The following GULP1 variants were observed in gnomAD, a reference collection of about 807,000 sequenced individuals.
GULP1 encodes PTB domain-containing engulfment adapter protein 1.
GULP1 carries 19 observed loss-of-function variants against 40.9 expected under a neutral mutation model. That is an observed-to-expected ratio of 0.46 (90% CI 0.32 to 0.68). GULP1 has a LOEUF of 0.68. Among genes scored for constraint, GULP1 ranks in the 30% least tolerant of loss-of-function variants. The probability of loss-of-function intolerance (pLI) is 0.03; values close to 1 mark genes in which losing one functional copy is unlikely to be tolerated. For synonymous variants in GULP1, 119 were observed against 117.6 expected, an observed-to-expected ratio of 1.01 and a Z score of -0.08; for missense variants, 312 against 362.2, an observed-to-expected ratio of 0.86 and a Z score of 1.12.
Position 188,530,685 on chromosome 2 carries a change from G to C in GULP1, c.261+1490G>C, listed in dbSNP as rs545847795. Among the ~76,000 whole-genome samples the C allele has an allele frequency of 5.9e-4, 90 of 152,130 alleles. 5 individuals are homozygous for C. The highest frequency in any genetic ancestry group is 2.1e-4 in the South Asian group (1 of 4,828). The stretch of plus-strand genomic sequence containing the variant: ...GAGAAACCAAACCTACCGACACCTT[G>C]ATCTTAGACTTCTAACCTGCAGAAC... On this transcript the variant is annotated intron_variant, in intron 6 of 11. Coordinates refer to ENST00000409830, the MANE Select transcript of GULP1 (RefSeq NM_016315.4).
intron 2 of GULP1, among the ~76,000 whole-genome samples, chr2:188,407,250 C>T (rs1398860691): frequency 1.3e-5 from 2 of 152,128 alleles, no homozygotes; most frequent in Non-Finnish European, 2.9e-5. Context: ...ACAAGAATTG[C>T]TAAATGAAAT....
chr2:188,395,319 C>A (rs2152568285), intron 2 of GULP1, among the ~76,000 whole-genome samples: 1 of 152,354 alleles, frequency 6.6e-6, no homozygotes, highest in African/African-American at 2.4e-5. Context: ...GAGTGGAATT[C>A]TAACACTTGT....
intron 2 of GULP1, among the ~76,000 whole-genome samples, chr2:188,407,197 A>G (rs1381700660): frequency 2.0e-5 from 3 of 152,214 alleles, no homozygotes; most frequent in African/African-American, 7.2e-5. Flanking sequence ...ACTTTTCAGG[A>G]CAAACAAAAG....
At chr2:188,370,205 C>T (rs539515927) in intron 1 of GULP1, among the ~76,000 whole-genome samples, 5 of 152,216 alleles carry the variant, frequency 3.3e-5, no homozygotes, top group African/African-American at 1.2e-4. Flanking sequence ...ATTCTTCCAG[C>T]AGGAGAATGG....
intron 4 of GULP1, among the ~76,000 whole-genome samples, chr2:188,505,846 C>T (rs1173777121): frequency 2.6e-5 from 4 of 151,774 alleles, no homozygotes; most frequent in Admixed American, 2.6e-4. Context: ...CATCATTTAA[C>T]AAGACAAGTT....
At chr2:188,437,857 G>A (rs1222225686) in intron 2 of GULP1, among the ~76,000 whole-genome samples, 1 of 152,138 alleles carries the variant, frequency 6.6e-6, no homozygotes, top group Non-Finnish European at 1.5e-5. Flanking sequence ...TCACTTATAA[G>A]TAGAAGCAGA....
intron 1 of GULP1, among the ~76,000 whole-genome samples, chr2:188,297,059 A>G (rs1411266686): frequency 6.6e-6 from 1 of 152,016 alleles, no homozygotes; most frequent in Non-Finnish European, 1.5e-5. Flanking sequence ...GTAGGGAAAA[A>G]TAGCTTCAGT....
At chr2:188,419,055 TC>T (rs1288737235) in intron 2 of GULP1, among the ~76,000 whole-genome samples, 1 of 152,230 alleles carries the variant, frequency 6.6e-6, no homozygotes, top group Non-Finnish European at 1.5e-5. Flanking sequence ...TGCAGAATTT[TC>T]TTTTTTTTAG....
chr2:188,314,176 G>A (rs1234134153), intron 1 of GULP1, among the ~76,000 whole-genome samples: 2 of 142,490 alleles, frequency 1.4e-5, no homozygotes, highest in East Asian at 2.1e-4. Flanking sequence ...CAACTGGATA[G>A]CCTTCAAGTT....
intron 1 of GULP1, among the ~76,000 whole-genome samples, chr2:188,365,943 T>C (rs1036965608): frequency 5.9e-5 from 9 of 152,092 alleles, no homozygotes. Context: ...GCCAGAACAT[T>C]AGTAGGTTAG....
At chr2:188,386,208 C>T (rs1020569968) in intron 2 of GULP1, among the ~76,000 whole-genome samples, 1 of 152,144 alleles carries the variant, frequency 6.6e-6, no homozygotes, top group Non-Finnish European at 1.5e-5. Context: ...GCACATCTCA[C>T]ACAGCAGCAG....
intron 7 of GULP1, among the ~76,000 whole-genome samples, chr2:188,545,285 A>G (rs185342373): frequency 2.0e-5 from 3 of 152,006 alleles, no homozygotes; most frequent in African/African-American, 7.2e-5. Flanking sequence ...CTTGGAGTAT[A>G]AGGAAGGAAA....
intron 11 of GULP1, chr2:188,591,376 G>A (rs1297341457): frequency 1.3e-5 from 2 of 151,982 alleles, no homozygotes; most frequent in Non-Finnish European, 2.9e-5. Flanking sequence ...TTAAAGGGTA[G>A]CTTGTTATTA....
At chr2:188,397,147 G>T (rs1398447887) in intron 2 of GULP1, among the ~76,000 whole-genome samples, 1 of 152,160 alleles carries the variant, frequency 6.6e-6, no homozygotes, top group African/African-American at 2.4e-5. Flanking sequence ...CTTGCTTCTT[G>T]TAAGAAAATT....
chr2:188,573,140 T>A (rs185707004), intron 9 of GULP1, among the ~76,000 whole-genome samples: 8 of 152,210 alleles, frequency 5.3e-5, no homozygotes, highest in Non-Finnish European at 8.8e-5. Flanking sequence ...TAATGAGATA[T>A]CTAACCAATT....
intron 11 of GULP1, chr2:188,589,974 C>CTTTT: frequency 1.4e-5 from 3 of 209,366 alleles, no homozygotes; most frequent in Non-Finnish European, 2.8e-5. Flanking sequence ...CCTTTCTTTT[C>CTTTT]TTTTTTTTTT....
At chr2:188,392,305 T>C (rs1429054249) in intron 2 of GULP1, among the ~76,000 whole-genome samples, 2 of 131,580 alleles carry the variant, frequency 1.5e-5, no homozygotes, top group East Asian at 5.4e-4. Flanking sequence ...TTCAGGGTTT[T>C]TATTTCTTCT....
intron 1 of GULP1, among the ~76,000 whole-genome samples, chr2:188,365,499 G>T (rs2152404385): frequency 6.6e-6 from 1 of 152,270 alleles, no homozygotes; most frequent in South Asian, 2.1e-4. Context: ...CTGGTTGTCA[G>T]GTTGGTTATG....
intron 2 of GULP1, among the ~76,000 whole-genome samples, chr2:188,450,816 A>G (rs1285001171): frequency 6.6e-6 from 1 of 152,194 alleles, no homozygotes; most frequent in African/African-American, 2.4e-5. Context: ...AAGCAAGAGT[A>G]GGATTACTCC....
Sources: allele counts gnomAD v4.1 joint callset (sites outside exome capture counted in the v4.1 genomes callset), GRCh38; gene constraint gnomAD v4.1.1; transcripts MANE v1.5; gene names NCBI Gene and HGNC (gene_info 2026-07-23, HGNC 2026-07-21).